The following EHD1 variants were observed in gnomAD, a reference collection of about 807,000 sequenced individuals.
The protein encoded by EHD1 is EH domain containing 1, also known as EH domain-containing protein 1.
EHD1 carries 19 observed loss-of-function variants against 39.0 expected under a neutral mutation model. The observed-to-expected ratio is 0.49, with a 90% CI of 0.34 to 0.72. The LOEUF is 0.72. Among genes scored for constraint, EHD1 ranks in the 30% least tolerant of loss-of-function variants. The pLI, the probability that EHD1 is intolerant of heterozygous loss-of-function variation, is 0.01. For synonymous variants in EHD1, 323 were observed against 331.2 expected (o/e 0.98, Z 0.27); for missense variants, 542 against 751.5 (o/e 0.72, Z 3.26).
At position 64,868,258 on chromosome 11, in the gene EHD1, C is replaced by T. The variant is rs1013435325; in HGVS notation, c.502+6163G>A. Among the ~76,000 whole-genome samples the T allele has an allele frequency of 6.6e-6, 1 of 152,200 alleles. No homozygotes were observed. Among genetic ancestry groups the T allele is most frequent in the African/African-American group, 2.4e-5 (1 of 41,442 alleles). ...CTCTCCATCACACAGGTTTCCAACG[C>T]GTGCTGGGCCTCGTTCCTGGGCTTG... On this transcript the variant is annotated intron_variant, in intron 2 of 4. Transcript: ENST00000320631. This position sits in a 1 kb window ranked among gnomAD's most constrained non-coding sequence, Gnocchi z 4.2.
At chr11:64,863,096 C>A (rs1219983756) in intron 2 of EHD1, among the ~76,000 whole-genome samples, 1 of 152,186 alleles carries the variant, frequency 6.6e-6, no homozygotes, top group Non-Finnish European at 1.5e-5. Context: ...AGGTCCCAGG[C>A]CACCCAAATG....
intron 2 of EHD1, among the ~76,000 whole-genome samples, chr11:64,873,711 C>G (rs1032991762): frequency 1.3e-5 from 2 of 151,444 alleles, no homozygotes; most frequent in African/African-American, 4.9e-5. Flanking sequence ...CGGAGTCTCG[C>G]TGTCGCCCAG....
intron 1 of EHD1, among the ~76,000 whole-genome samples, chr11:64,877,576 C>A (rs1592756375): frequency 6.6e-6 from 1 of 152,194 alleles, no homozygotes; most frequent in East Asian, 1.9e-4. Flanking sequence ...ACAAAACCAC[C>A]GTCCCAGGGG....
chr11:64,860,392 G>A, intron 2 of EHD1, 56 bp from the exon 3 acceptor site: 2 of 1,552,838 alleles, frequency 1.3e-6, no homozygotes, highest in Admixed American at 1.9e-5. Flanking sequence ...TGCTCTGATG[G>A]CTCTCATCTC....
Position 64,856,108 on chromosome 11 carries a change from G to T in EHD1, c.916-622C>A, listed in dbSNP as rs552726530. ...CCGGCCCTAAGCAAGGCTGGGAAAG[G>T]CTGCCTGGGGTGCTTGGCTCCCACA... On this transcript the variant is annotated intron_variant, in intron 3 of 4. Coordinates refer to ENST00000320631, the MANE Select transcript of EHD1 (RefSeq NM_006795.4). 7.5e-4 allele frequency: 117 copies of T among 155,246 alleles called. 1 individual carries two copies. Among genetic ancestry groups the T allele is most frequent in the Non-Finnish European group, 3.2e-4 (22 of 69,638 alleles). 9.6% of individuals were successfully genotyped at this position (155,246 alleles called of 1,614,324 possible). A position where few individuals can be genotyped will look rare whatever the true frequency, so the allele number is the denominator to read the frequency against.
chr11:64,859,589 T>A, intron 3 of EHD1: 1 of 291,868 alleles, frequency 3.4e-6, no homozygotes, highest in East Asian at 6.8e-5. Context: ...CCCCCAACAC[T>A]CCATTTCTGA....
intron 2 of EHD1, among the ~76,000 whole-genome samples, chr11:64,860,878 G>A (rs1324080201): frequency 2.0e-5 from 3 of 152,002 alleles, no homozygotes; most frequent in Non-Finnish European, 1.5e-5. Flanking sequence ...AAATTAGCCC[G>A]GCATGGTGGT....
At chr11:64,862,706 G>A (rs1304834842) in intron 2 of EHD1, among the ~76,000 whole-genome samples, 1 of 152,122 alleles carries the variant, frequency 6.6e-6, no homozygotes, top group Non-Finnish European at 1.5e-5. Context: ...ACTTCAGCCT[G>A]GGCAACATAG....
chr11:64,877,546 A>G (rs987269555), intron 1 of EHD1, among the ~76,000 whole-genome samples: 3 of 152,114 alleles, frequency 2.0e-5, no homozygotes, highest in African/African-American at 4.8e-5. Context: ...GCCACAGCCG[A>G]TCCTCCTCCT....
intron 2 of EHD1, among the ~76,000 whole-genome samples, chr11:64,864,107 G>A (rs1050036638): frequency 6.6e-6 from 1 of 152,234 alleles, no homozygotes; most frequent in Non-Finnish European, 1.5e-5. Flanking sequence ...CAGGTGATGT[G>A]CGGCCGTTCC....
At chr11:64,874,318 AAAAG>A in intron 2 of EHD1, 99 bp downstream of exon 2, 3 of 1,082,562 alleles carry the variant, frequency 2.8e-6, no homozygotes, top group Middle Eastern at 2.1e-4. Context: ...AAAAAAAAAA[AAAAG>A]GAGAAATCTC....
rs1383081525 is a variant in EHD1 at position 64,855,669 on chromosome 11, C to T, written c.916-183G>A. ...CCACAGTCCTAGGAGCAGACACAAT[C>T]TGGCAAGAGCCACAGCTGTCCACTG... is the stretch of plus-strand genomic sequence containing the variant. On this transcript the variant is annotated intron_variant, in intron 3 of 4. Transcript: ENST00000320631. The T allele has an allele frequency of 7.5e-6, 6 of 798,642 alleles. No individual in the cohort carries two copies. In the South Asian group the frequency reaches 1.1e-4, roughly 14 times the overall value. The allele number at this position is 798,642 out of a possible 1,614,324, so 49.5% of individuals were successfully genotyped here. A position where few individuals can be genotyped will look rare whatever the true frequency, so the allele number is the denominator to read the frequency against.
Position 64,855,360 on chromosome 11 carries a change from TC to T in EHD1, c.1041del (p.Ile348SerfsTer27). On this transcript the variant is annotated frameshift_variant, in exon 4 of 5. Transcript: ENST00000320631. LOFTEE classifies it high-confidence loss of function. Reference protein sequence around the residue: ...EIYQKIEREHQISPGDFPSLR... With the variant: ...EIYQKIEREHXISPGDFPSLR... ...AGGCTCGGGAAGTCCCCAGGGGAGA[TC>T]TGGTGCTCGCGCTCAATCTTCTGGT... is the stretch of plus-strand genomic sequence containing the variant. The T allele has an allele frequency of 6.2e-7, 1 of 1,614,070 alleles. No homozygotes were observed. The highest frequency in any genetic ancestry group is 8.5e-7 in the Non-Finnish European group (1 of 1,180,002).
intron 2 of EHD1, among the ~76,000 whole-genome samples, chr11:64,862,444 T>C (rs1171016249): frequency 1.3e-5 from 2 of 152,160 alleles, no homozygotes; most frequent in Non-Finnish European, 2.9e-5. Flanking sequence ...CTCTGTTGTT[T>C]TCTCCCTCCT....
At chr11:64,860,427 C>G in intron 2 of EHD1, 91 bp from the exon 3 acceptor site, 1 of 1,469,958 alleles carries the variant, frequency 6.8e-7, no homozygotes. Context: ...ATTTCTCAGC[C>G]TGAGATAGTT....
chr11:64,879,182 A>T, upstream of EHD1: 1 of 1,045,606 alleles, frequency 9.6e-7, no homozygotes, highest in South Asian at 3.3e-5. Context: ...GAGAGACAGG[A>T]AAGTGGTAGC....
intron 3 of EHD1, chr11:64,856,122 T>C (rs1277700657): frequency 6.5e-6 from 1 of 154,916 alleles, no homozygotes; most frequent in African/African-American, 2.4e-5. Context: ...CCTGGGGTGC[T>C]TGGCTCCCAC....
In EHD1 at chr11:64,854,243, T is replaced by C. The variant is rs538160490; in HGVS notation, c.*90A>G. 1 of 1,475,070 alleles carries C rather than the reference T, an allele frequency of 6.8e-7. No homozygotes were observed. Among genetic ancestry groups the C allele is most frequent in the African/African-American group, 1.4e-5 (1 of 71,286 alleles). The allele number at this position is 1,475,070 out of a possible 1,614,324, so 91.4% of individuals were successfully genotyped here. On this transcript the variant is annotated 3_prime_UTR_variant, in exon 5 of 5. Transcript: ENST00000320631. Reference sequence around the variant, plus strand: ...GGCGAGGAAACATCCGCTCAGTCTTTATGGACCTTGAGAAATGGTGAGGCT... The same window carrying C: ...GGCGAGGAAACATCCGCTCAGTCTTCATGGACCTTGAGAAATGGTGAGGCT...
rs142433533 is a variant in EHD1 at position 64,854,636 on chromosome 11, G to A, written c.1302C>T (p.Ile434=). The A allele has an allele frequency of 4.3e-5, 70 of 1,613,870 alleles. 1 individual carries two copies. The Middle Eastern group carries it at 9.9e-4, about 23-fold the overall frequency. Residue 434 remains isoleucine (I), a synonymous_variant, in exon 5 of 5, where the codon ATC becomes ATT. Coordinates refer to ENST00000320631, the MANE Select transcript of EHD1 (RefSeq NM_006795.4). ...HGYGEGAGEG[I]DDVEWVVGKD... Reference sequence around the variant, plus strand: ...TGCCCACCACCCACTCCACGTCGTCGATGCCCTCGCCGGCCCCCTCGCCGT... The same window carrying A: ...TGCCCACCACCCACTCCACGTCGTCAATGCCCTCGCCGGCCCCCTCGCCGT...
Sources: allele counts gnomAD v4.1 joint callset (sites outside exome capture counted in the v4.1 genomes callset), GRCh38; gene constraint gnomAD v4.1.1; non-coding constraint Gnocchi (gnomAD v3.1); transcripts MANE v1.5; gene names NCBI Gene and HGNC (gene_info 2026-07-23, HGNC 2026-07-21).